The following ALKBH1 variants were observed in gnomAD, a reference collection of about 807,000 sequenced individuals.
ALKBH1 encodes the protein nucleic acid dioxygenase ALKBH1.
A neutral mutation model predicts 36.6 loss-of-function variants in ALKBH1; 31 were observed. The observed-to-expected ratio is 0.85, with a 90% CI of 0.64 to 1.14. ALKBH1 has a LOEUF of 1.14. Among genes scored for constraint, ALKBH1 ranks in the 50% most tolerant of loss-of-function variants. The pLI is 0.00. For synonymous variants in ALKBH1, 183 were observed against 186.6 expected (o/e 0.98, Z 0.16); for missense variants, 490 against 497.3 (o/e 0.99, Z 0.14).
chr14:77,707,741 A>G, intron 1 of ALKBH1, 81 bp downstream of exon 1: 1 of 1,486,216 alleles, frequency 6.7e-7, no homozygotes. Context: ...TGGAGGTGAA[A>G]AGAGGCGAAG....
chr14:77,693,993 C>CA (rs2080312841), intron 3 of ALKBH1, among the ~76,000 whole-genome samples: 1 of 152,026 alleles, frequency 6.6e-6, no homozygotes, highest in Non-Finnish European at 1.5e-5. Flanking sequence ...TCTCAAAAAA[C>CA]AAAAAACAAA....
chr14:77,685,020 A>G (rs1385548969), intron 3 of ALKBH1, among the ~76,000 whole-genome samples: 1 of 152,270 alleles, frequency 6.6e-6, no homozygotes, highest in Non-Finnish European at 1.5e-5. Context: ...ATTCAAGAAC[A>G]GAGAATACAT....
chr14:77,694,920 GA>G lies in ALKBH1; in HGVS notation c.293-21del, dbSNP rs748761389. 16 of 1,462,402 alleles carry G rather than the reference GA, an allele frequency of 1.1e-5. No homozygotes were observed. The highest frequency in any genetic ancestry group is 5.8e-5 in the African/African-American group (4 of 69,404). 90.6% of individuals were successfully genotyped at this position (1,462,402 alleles called of 1,614,324 possible). A position where few individuals can be genotyped will look rare whatever the true frequency, so the allele number is the denominator to read the frequency against. ...TAAACCCTATACAAAAGATGGGTGG[GA>G]AAAAAAGAAGAGGGGGAAATTCTCC... On this transcript the variant is annotated intron_variant, in intron 2 of 5. Coordinates refer to ENST00000216489, the MANE Select transcript of ALKBH1 (RefSeq NM_006020.3).
intron 2 of ALKBH1, among the ~76,000 whole-genome samples, chr14:77,699,973 T>C (rs1364826280): frequency 6.6e-6 from 1 of 152,060 alleles, no homozygotes; most frequent in South Asian, 2.1e-4. Context: ...GAGAATGGCA[T>C]GAACCCGGGA....
chr14:77,678,560 AACAG>A lies in ALKBH1; in HGVS notation c.546+1316_546+1319del, dbSNP rs1460497634. ...AAGACCATTACAAAAAAAAAAAAAA[AACAG>A]ACAAAGTAACTGGTTAGTAGGCAAA... On this transcript the variant is annotated intron_variant, in intron 4 of 5. Coordinates refer to ENST00000216489, the MANE Select transcript of ALKBH1 (RefSeq NM_006020.3). Among the ~76,000 whole-genome samples the A allele has an allele frequency of 4.7e-5, 7 of 148,372 alleles. No homozygotes were observed. The South Asian group carries it at 1.5e-3, about 32-fold the overall frequency.
At chr14:77,676,446 GTTCTA>G (rs2080206545) in intron 4 of ALKBH1, among the ~76,000 whole-genome samples, 1 of 152,140 alleles carries the variant, frequency 6.6e-6, no homozygotes, top group Admixed American at 6.5e-5. Context: ...AAATGAGACA[GTTCTA>G]TTAGGGTAAA....
intron 2 of ALKBH1, among the ~76,000 whole-genome samples, chr14:77,698,146 TAGAGTTAAG>T (rs1270942996): frequency 1.3e-5 from 2 of 151,740 alleles, no homozygotes; most frequent in African/African-American, 4.8e-5. Context: ...CACAGAAAAA[TAGAGTTAAG>T]AGGGTAGTTT....
intron 1 of ALKBH1, among the ~76,000 whole-genome samples, chr14:77,706,357 A>G (rs1426520431): frequency 6.6e-6 from 1 of 152,178 alleles, no homozygotes; most frequent in African/African-American, 2.4e-5. Context: ...ATACTGCACT[A>G]TAATTCAACA....
At chr14:77,692,448 T>C (rs953526468) in intron 3 of ALKBH1, among the ~76,000 whole-genome samples, 2 of 152,188 alleles carry the variant, frequency 1.3e-5, no homozygotes, top group Admixed American at 6.5e-5. Context: ...GAACAGGCAT[T>C]AGATTCTCAA....
At position 77,673,887 on chromosome 14, in the gene ALKBH1, G is replaced by A. The variant is rs950452449; in HGVS notation, c.1095C>T (p.Ile365=). 2 of 1,614,214 alleles carry A rather than the reference G, an allele frequency of 1.2e-6. No individual in the cohort carries two copies. The highest frequency in any genetic ancestry group is 1.7e-6 in the Non-Finnish European group (2 of 1,180,048). Residue 365 remains isoleucine (I), a synonymous_variant, in exon 6 of 6, where the codon ATC becomes ATT. Coordinates refer to ENST00000216489, the MANE Select transcript of ALKBH1 (RefSeq NM_006020.3). ...LEPIEDEKRD[I]STEGFCHLDD... ...CCAGATGGCAGAAACCTTCTGTACT[G>A]ATGTCTCTTTTTTCATCCTCGATGG...
intron 1 of ALKBH1, among the ~76,000 whole-genome samples, chr14:77,706,927 G>T (rs905247527): frequency 6.6e-6 from 1 of 152,140 alleles, no homozygotes; most frequent in Admixed American, 6.5e-5. Context: ...CTAGACATCT[G>T]TGGACAACAC....
intron 2 of ALKBH1, among the ~76,000 whole-genome samples, chr14:77,697,697 TAAAAAAAA>T (rs57516221): frequency 9.5e-6 from 1 of 104,940 alleles, no homozygotes; most frequent in Non-Finnish European, 1.9e-5. Flanking sequence ...TTTGCTGTAA[TAAAAAAAA>T]AAAAAAAAAA....
intron 3 of ALKBH1, among the ~76,000 whole-genome samples, chr14:77,686,661 G>A (rs887914839): frequency 3.3e-5 from 5 of 152,112 alleles, no homozygotes; most frequent in African/African-American, 1.2e-4. Context: ...GTCTCGTTTT[G>A]TCGCCAGGCT....
chr14:77,685,777 A>C (rs985191297), intron 3 of ALKBH1, among the ~76,000 whole-genome samples: 1 of 152,158 alleles, frequency 6.6e-6, no homozygotes, highest in African/African-American at 2.4e-5. Context: ...CGGGGGGGAA[A>C]AAAAGGCTTT....
At chr14:77,682,386 T>C (rs2080242723) in intron 3 of ALKBH1, among the ~76,000 whole-genome samples, 1 of 152,160 alleles carries the variant, frequency 6.6e-6, no homozygotes, top group African/African-American at 2.4e-5. Flanking sequence ...TTGTGGTTAA[T>C]GGAAATATAA....
intron 2 of ALKBH1, among the ~76,000 whole-genome samples, chr14:77,703,468 T>C (rs1294528348): frequency 1.3e-5 from 2 of 151,992 alleles, no homozygotes; most frequent in African/African-American, 2.4e-5. Context: ...ATTTTGTTTT[T>C]GTATTTTCAG....
Position 77,673,809 on chromosome 14 carries a change from G to A in ALKBH1, c.*3C>T, listed in dbSNP as rs772082718. On this transcript the variant is annotated 3_prime_UTR_variant, in exon 6 of 6. Coordinates refer to ENST00000216489, the MANE Select transcript of ALKBH1 (RefSeq NM_006020.3). ...TGAGTAAAAAGGATGGGATCTCCAA[G>A]TCTCAGCTGTCAGGGTTTATCCTGG... is the stretch of plus-strand genomic sequence containing the variant. 6.2e-7 allele frequency: 1 copy of A among 1,607,688 alleles called. No homozygotes were observed. The highest frequency in any genetic ancestry group is 1.7e-5 in the Admixed American group (1 of 59,510).
At chr14:77,678,057 TAACA>T (rs1252557094) in intron 4 of ALKBH1, among the ~76,000 whole-genome samples, 1 of 21,260 alleles carries the variant, frequency 4.7e-5, no homozygotes, top group Non-Finnish European at 9.2e-5. Flanking sequence ...TCTTGGGGAA[TAACA>T]ATATCAACAG....
chr14:77,677,792 C>T (rs76693891), intron 4 of ALKBH1, among the ~76,000 whole-genome samples: 277 of 152,190 alleles, frequency 1.8e-3, no homozygotes, highest in African/African-American at 6.3e-3. Context: ...GATTAAAGAA[C>T]TTTAAGTTTT....
Sources: allele counts gnomAD v4.1 joint callset (sites outside exome capture counted in the v4.1 genomes callset), GRCh38; gene constraint gnomAD v4.1.1; transcripts MANE v1.5; gene names NCBI Gene and HGNC (gene_info 2026-07-23, HGNC 2026-07-21).